Variants in NCOA1 observed in about 807,000 individuals in gnomAD.
The protein encoded by NCOA1 is nuclear receptor coactivator 1, also known as Hin-2 protein.
In NCOA1, 35 loss-of-function variants were observed where a neutral mutation model predicts 150.9. That is an observed-to-expected ratio of 0.23 (90% confidence interval 0.18 to 0.31). The LOEUF (loss-of-function observed/expected upper bound fraction) is 0.31. Among genes scored for constraint, NCOA1 ranks in the 10% least tolerant of loss-of-function variants. The pLI is 1.00. For synonymous variants in NCOA1, 590 were observed against 630.0 expected (o/e 0.94, Z 0.95); for missense variants, 1,491 against 1,749.3 (o/e 0.85, Z 2.63).
intron 1 of NCOA1, among the ~76,000 whole-genome samples, chr2:24,541,143 G>A (rs1665375296): frequency 6.6e-6 from 1 of 152,196 alleles, no homozygotes; most frequent in Non-Finnish European, 1.5e-5. Context: ...GGGAAGTCAT[G>A]TATAAGTGAT....
chr2:24,608,323 C>T (rs1169830772), intron 3 of NCOA1, among the ~76,000 whole-genome samples: 1 of 149,216 alleles, frequency 6.7e-6, no homozygotes, highest in Non-Finnish European at 1.5e-5. Context: ...CTCTGTCTCC[C>T]AGGCTGGAGT....
intron 14 of NCOA1, among the ~76,000 whole-genome samples, chr2:24,715,033 A>G (rs373877702): frequency 1.3e-5 from 2 of 152,256 alleles, no homozygotes; most frequent in East Asian, 3.9e-4. Context: ...ATGATATAAG[A>G]TGAACAAAGA....
chr2:24,499,087 A>G (rs1293730128), intron 1 of NCOA1, among the ~76,000 whole-genome samples: 2 of 152,202 alleles, frequency 1.3e-5, no homozygotes, highest in East Asian at 1.9e-4. Flanking sequence ...ATATTGCATG[A>G]TACTTGCCCA....
chr2:24,537,363 T>TA (rs1029202205), intron 1 of NCOA1, among the ~76,000 whole-genome samples: 1 of 151,978 alleles, frequency 6.6e-6, no homozygotes, highest in African/African-American at 2.4e-5. Flanking sequence ...CTAAGTGAAG[T>TA]AAGTCAGACA....
chr2:24,562,069 T>C (rs868403147), intron 1 of NCOA1, among the ~76,000 whole-genome samples: 7 of 152,124 alleles, frequency 4.6e-5, no homozygotes, highest in Admixed American at 3.3e-4. Flanking sequence ...CAGAGCATTA[T>C]CTACTATTAT....
intron 1 of NCOA1, among the ~76,000 whole-genome samples, chr2:24,523,693 C>T (rs1175965128): frequency 2.0e-5 from 3 of 146,574 alleles, no homozygotes; most frequent in African/African-American, 5.0e-5. Flanking sequence ...TTTCGGAGGC[C>T]GAGGTGGGCG....
chr2:24,535,408 G>A (rs1040023852), intron 1 of NCOA1, among the ~76,000 whole-genome samples: 2 of 152,048 alleles, frequency 1.3e-5, no homozygotes, highest in African/African-American at 4.8e-5. Flanking sequence ...TATCCAGTTT[G>A]CCAGTCTGTG....
At chr2:24,583,938 A>G (rs1386708394) in intron 2 of NCOA1, among the ~76,000 whole-genome samples, 1 of 152,182 alleles carries the variant, frequency 6.6e-6, no homozygotes. Context: ...AACAGATACA[A>G]AATTATAGGT....
At chr2:24,635,616 G>T (rs1328502346) in intron 3 of NCOA1, among the ~76,000 whole-genome samples, 1 of 152,120 alleles carries the variant, frequency 6.6e-6, no homozygotes, top group African/African-American at 2.4e-5. Context: ...AGAGAACCTA[G>T]GTTTGTGGAT....
intron 3 of NCOA1, among the ~76,000 whole-genome samples, chr2:24,587,073 C>G (rs1288700908): frequency 6.6e-6 from 1 of 151,068 alleles, no homozygotes; most frequent in Non-Finnish European, 1.5e-5. Flanking sequence ...TCATAACAGA[C>G]TGGCTTTGAG....
At chr2:24,591,073 A>G (rs1351981279) in intron 3 of NCOA1, among the ~76,000 whole-genome samples, 1 of 152,226 alleles carries the variant, frequency 6.6e-6, no homozygotes, top group East Asian at 1.9e-4. Flanking sequence ...ATATCATATG[A>G]TCTATAAAAT....
At chr2:24,758,828 A>C (rs1043346557) in intron 21 of NCOA1, among the ~76,000 whole-genome samples, 2 of 149,868 alleles carry the variant, frequency 1.3e-5, no homozygotes, top group African/African-American at 4.9e-5. Context: ...TAAAAAAAAA[A>C]CAAACAAAAA....
At chr2:24,722,633 G>A (rs142457399) in intron 14 of NCOA1, among the ~76,000 whole-genome samples, 256 of 152,208 alleles carry the variant, frequency 1.7e-3, no homozygotes, top group Middle Eastern at 6.8e-3. Context: ...GTGAATGACC[G>A]TGTGAGGCAG....
chr2:24,695,292 G>T (rs577124983), intron 10 of NCOA1, among the ~76,000 whole-genome samples: 55 of 152,172 alleles, frequency 3.6e-4, no homozygotes, highest in African/African-American at 9.6e-4. Context: ...TATATATATA[G>T]AGAGAGAGGG....
chr2:24,697,624 C>T, intron 10 of NCOA1, 34 bp from the exon 11 acceptor site: 1 of 1,538,878 alleles, frequency 6.5e-7, no homozygotes, highest in Non-Finnish European at 8.9e-7. Context: ...TATAAAGAGG[C>T]TGTTATAAAT....
intron 17 of NCOA1, among the ~76,000 whole-genome samples, chr2:24,734,177 CAAAA>C (rs933051944): frequency 1.5e-5 from 1 of 67,974 alleles, no homozygotes; most frequent in Non-Finnish European, 3.0e-5. Flanking sequence ...AACTCCATCT[CAAAA>C]AAAAAAAAAA....
At chr2:24,708,335 A>G (rs1341186675) in intron 13 of NCOA1, among the ~76,000 whole-genome samples, 2 of 152,092 alleles carry the variant, frequency 1.3e-5, no homozygotes, top group African/African-American at 4.8e-5. Context: ...CCTTTGAAGC[A>G]TTTCCTAAGG....
chr2:24,761,854 A>C (rs1478054274), intron 21 of NCOA1, among the ~76,000 whole-genome samples: 1 of 152,242 alleles, frequency 6.6e-6, no homozygotes, highest in East Asian at 1.9e-4. Context: ...ATGCTACATG[A>C]TACTACATGA....
At chr2:24,491,833 C>CG in intron 1 of NCOA1, 1 of 151,750 alleles carries the variant, frequency 6.6e-6, no homozygotes, top group Non-Finnish European at 1.5e-5. Context: ...TGCTCCCCGC[C>CG]GGGGGAAATC....
Sources: gnomAD v4.1 joint callset for allele counts (sites outside exome capture counted in the v4.1 genomes callset) on GRCh38, gnomAD v4.1.1 for gene constraint, MANE v1.5 for transcripts, NCBI Gene and HGNC (gene_info 2026-07-23, HGNC 2026-07-21) for gene names.